NYAP2: variants seen among roughly 807,000 people sequenced by gnomAD.
NYAP2 encodes neuronal tyrosine-phosphorylated phosphoinositide-3-kinase adaptor 2.
A neutral mutation model predicts 50.4 loss-of-function variants in NYAP2; 23 were observed. That is an observed-to-expected ratio of 0.46 (90% CI 0.33 to 0.65). The LOEUF (loss-of-function observed/expected upper bound fraction) is 0.65. Ranked by LOEUF, NYAP2 falls within the 30% of genes least tolerant of loss-of-function variation. The probability of loss-of-function intolerance (pLI) is 0.02; values close to 1 mark genes in which losing one functional copy is unlikely to be tolerated. For missense variants in NYAP2, 885 were observed against 861.0 expected (o/e 1.03, Z -0.35); for synonymous variants, 394 against 365.2 (o/e 1.08, Z -0.90).
At chr2:225,601,518 A>G (rs1692691060) in intron 5 of NYAP2, among the ~76,000 whole-genome samples, 1 of 152,120 alleles carries the variant, frequency 6.6e-6, no homozygotes, top group African/African-American at 2.4e-5. Flanking sequence ...GCAATGCACA[A>G]AAGTTCTAAT....
chr2:225,617,159 G>C (rs868029055), intron 5 of NYAP2, among the ~76,000 whole-genome samples: 1 of 152,216 alleles, frequency 6.6e-6, no homozygotes, highest in Non-Finnish European at 1.5e-5. Context: ...CACATCAGTG[G>C]CTTATGCCTG....
chr2:225,694,784 G>A, the NYAP2 span, among the ~76,000 whole-genome samples: 1 of 151,594 alleles, frequency 6.6e-6, no homozygotes. Context: ...ATTTTGAATG[G>A]ACAATCTTCC....
the NYAP2 span, among the ~76,000 whole-genome samples, chr2:225,666,871 A>C: frequency 7.8e-6 from 1 of 128,610 alleles, no homozygotes; most frequent in Non-Finnish European, 1.6e-5. Context: ...CCCAACACAC[A>C]CACAGAGGAC....
intron 5 of NYAP2, among the ~76,000 whole-genome samples, chr2:225,597,512 A>AATATATATATATATATATATAC: frequency 6.5e-5 from 3 of 46,214 alleles, no homozygotes; most frequent in Non-Finnish European, 9.7e-5. Context: ...TCCAAGGAGA[A>AATATATATATATATATATATAC]ATATATATAT....
Position 225,542,777 on chromosome 2 carries a change from C to T in NYAP2, c.523+29105C>T, listed in dbSNP as rs1316567490. 3.9e-5 allele frequency among the ~76,000 whole-genome samples: 6 copies of T among 151,998 alleles called. No homozygotes were observed. The East Asian group carries it at 1.2e-3, about 29-fold the overall frequency. ...TTTGATATCAGGATAAGACTGGCCT[C>T]ATTAAATGGTTTTGGGAGTATTCTT... On this transcript the variant is annotated intron_variant, in intron 4 of 6. Transcript: ENST00000636099.
At position 225,497,082 on chromosome 2, in the gene NYAP2, C is replaced by T. The variant is rs149513440; in HGVS notation, c.222-16289C>T. Among the ~76,000 whole-genome samples the T allele has an allele frequency of 1.6e-3, 245 of 152,186 alleles. 2 individuals carry two copies. In the Middle Eastern group the frequency reaches 0.027, roughly 17 times the overall value. On this transcript the variant is annotated intron_variant, in intron 3 of 6. Coordinates refer to ENST00000636099, the Ensembl canonical transcript of NYAP2. ...CACCCCTTAGGGCTACAGCATAAAG[C>T]GGATAATCCAAGTGCCTTCATTGAC...
intron 4 of NYAP2, among the ~76,000 whole-genome samples, chr2:225,547,503 T>C (rs992167650): frequency 1.3e-5 from 2 of 152,220 alleles, no homozygotes; most frequent in East Asian, 1.9e-4. Flanking sequence ...ACTTCTGGGA[T>C]GGATGATTCC....
intron 3 of NYAP2, among the ~76,000 whole-genome samples, chr2:225,436,739 CA>C (rs755609110): frequency 0.2 from 21,693 of 109,312 alleles, 2,763 homozygotes; most frequent in African/African-American, 0.41. Context: ...TCTGTATAGT[CA>C]AAAAAAAAAA....
chr2:225,523,021 G>C (rs1691093744), intron 4 of NYAP2, among the ~76,000 whole-genome samples: 1 of 152,110 alleles, frequency 6.6e-6, no homozygotes, highest in Non-Finnish European at 1.5e-5. Flanking sequence ...GAAGAAAAAG[G>C]AGTGGAAACA....
chr2:225,422,651 G>A (rs906935058), intron 3 of NYAP2, among the ~76,000 whole-genome samples: 2 of 152,008 alleles, frequency 1.3e-5, no homozygotes, highest in African/African-American at 2.4e-5. Flanking sequence ...AACAGTGTCA[G>A]CTAAAAATAC....
Position 225,479,648 on chromosome 2 carries a change from G to GT in NYAP2, c.222-33712dup, listed in dbSNP as rs369568441. 5.0e-3 allele frequency among the ~76,000 whole-genome samples: 739 copies of GT among 148,234 alleles called. 5 individuals are homozygous for GT. Among genetic ancestry groups the GT allele is most frequent in the African/African-American group, 0.016 (651 of 40,842 alleles). On this transcript the variant is annotated intron_variant, in intron 3 of 6. Coordinates refer to ENST00000636099, the Ensembl canonical transcript of NYAP2. ...ATGCTTAGAATTCCAAAGTACCATAGTTTTTTTTTTTAAATCCACCAGTAA... is the reference window on the plus strand; with the variant it reads ...ATGCTTAGAATTCCAAAGTACCATAGTTTTTTTTTTTTAAATCCACCAGTAA...
At chr2:225,606,129 A>G (rs1049114079) in intron 5 of NYAP2, among the ~76,000 whole-genome samples, 2 of 152,118 alleles carry the variant, frequency 1.3e-5, no homozygotes, top group Non-Finnish European at 2.9e-5. Context: ...ATTTACAGTT[A>G]AGCAAATAGA....
chr2:225,511,944 C>A (rs147277189), intron 3 of NYAP2, among the ~76,000 whole-genome samples: 228 of 152,300 alleles, frequency 1.5e-3, no homozygotes, highest in Non-Finnish European at 2.8e-3. Flanking sequence ...CTCAGAGGTA[C>A]TTCTTACCAT....
At chr2:225,545,371 G>A (rs1012553407) in intron 4 of NYAP2, among the ~76,000 whole-genome samples, 5 of 151,884 alleles carry the variant, frequency 3.3e-5, no homozygotes, top group African/African-American at 1.2e-4. Context: ...ATGCTTCATT[G>A]TTTTTTATTC....
intron 4 of NYAP2, among the ~76,000 whole-genome samples, chr2:225,522,564 C>T (rs189289874): frequency 1.3e-5 from 2 of 152,132 alleles, no homozygotes; most frequent in Admixed American, 1.3e-4. Flanking sequence ...TAAGAATTAC[C>T]CAAAAAAGTA....
At chr2:225,556,037 C>T (rs771889055) in intron 4 of NYAP2, among the ~76,000 whole-genome samples, 5 of 152,098 alleles carry the variant, frequency 3.3e-5, no homozygotes, top group Non-Finnish European at 5.9e-5. Flanking sequence ...TGTTTATTGT[C>T]TAAGTCCTAC....
At chr2:225,533,699 A>AG (rs1691299012) in intron 4 of NYAP2, among the ~76,000 whole-genome samples, 1 of 152,132 alleles carries the variant, frequency 6.6e-6, no homozygotes, top group African/African-American at 2.4e-5. Context: ...AAAAAAAAAA[A>AG]GTACATAGAA....
intron 6 of NYAP2, among the ~76,000 whole-genome samples, chr2:225,636,411 G>T (rs1693415109): frequency 6.6e-6 from 1 of 150,802 alleles, no homozygotes. Context: ...TCTCCTTCAG[G>T]ATGCCAAGGT....
At chr2:225,657,161 C>A (rs543146404), downstream of NYAP2, among the ~76,000 whole-genome samples, 1 of 134,532 alleles carries the variant, frequency 7.4e-6, no homozygotes, top group African/African-American at 2.8e-5. Context: ...CCTAGGCTGG[C>A]GTGCAATGAT....
Sources: gnomAD v4.1 joint callset for allele counts (sites outside exome capture counted in the v4.1 genomes callset) on GRCh38, gnomAD v4.1.1 for gene constraint, MANE v1.5 for transcripts, NCBI Gene and HGNC (gene_info 2026-07-23, HGNC 2026-07-21) for gene names.